RTL4: variants seen among roughly 807,000 people sequenced by gnomAD.
The protein encoded by RTL4 is retrotransposon Gag-like protein 4.
A neutral mutation model predicts 5.3 loss-of-function variants in RTL4; 4 were observed. That is an observed-to-expected ratio of 0.75 (90% confidence interval 0.37 to 1.72). RTL4 has a LOEUF of 1.72. Among genes scored for constraint, RTL4 ranks in the 40% most tolerant of loss-of-function variants. The pLI is 0.04. For synonymous variants in RTL4, 98 were observed against 87.3 expected (o/e 1.12, Z -0.68); for missense variants, 260 against 227.1 (o/e 1.14, Z -0.93).
At chrX:112,298,802 T>G in the RTL4 span, among the ~76,000 whole-genome samples, 1 of 112,614 alleles carries the variant, frequency 8.9e-6, no homozygotes, top group Non-Finnish European at 1.9e-5. Context: ...AGGTGAGCTT[T>G]CACCGGCACT....
the RTL4 span, among the ~76,000 whole-genome samples, chrX:112,182,839 C>A: frequency 9.0e-6 from 1 of 111,386 alleles, no homozygotes; most frequent in Admixed American, 9.5e-5. Context: ...TCCTGGAGAA[C>A]AGCAACCACA....
chrX:112,389,976 A>T, the RTL4 span, among the ~76,000 whole-genome samples: 2 of 100,933 alleles, frequency 2.0e-5, no homozygotes, highest in African/African-American at 3.6e-5. Context: ...TGCCTCAATG[A>T]TCTGTCTAAT....
At chrX:112,321,172 G>T in the RTL4 span, among the ~76,000 whole-genome samples, 1 of 111,520 alleles carries the variant, frequency 9.0e-6, no homozygotes, top group Middle Eastern at 4.6e-3. Flanking sequence ...AATTAAAATG[G>T]CTATTATACT....
the RTL4 span, among the ~76,000 whole-genome samples, chrX:112,278,431 C>A: frequency 2.7e-5 from 3 of 112,213 alleles, no homozygotes; most frequent in Non-Finnish European, 5.6e-5. Flanking sequence ...CCTAGAGATA[C>A]TGACATCTAA....
the RTL4 span, among the ~76,000 whole-genome samples, chrX:112,127,539 A>G: frequency 9.8e-5 from 11 of 111,942 alleles, no homozygotes; most frequent in Non-Finnish European, 1.7e-4. Flanking sequence ...TGCTGTCACC[A>G]CTGCTATTTA....
chrX:112,339,494 G>C, the RTL4 span, among the ~76,000 whole-genome samples: 1 of 112,029 alleles, frequency 8.9e-6, no homozygotes, highest in East Asian at 2.8e-4. Context: ...ATACAGAAAA[G>C]GTGGTTCATA....
chrX:112,332,718 T>C, the RTL4 span, among the ~76,000 whole-genome samples: 8 of 105,782 alleles, frequency 7.6e-5, no homozygotes, highest in African/African-American at 2.1e-4. Flanking sequence ...CATTAGGAGA[T>C]ATACCTAGTG....
the RTL4 span, among the ~76,000 whole-genome samples, chrX:112,172,665 C>T: frequency 1.8e-5 from 2 of 110,707 alleles, no homozygotes; most frequent in Non-Finnish European, 3.8e-5. Flanking sequence ...GGGTATAGAC[C>T]CCAAGAAATA....
the RTL4 span, among the ~76,000 whole-genome samples, chrX:112,087,310 G>C: frequency 9.2e-6 from 1 of 108,560 alleles, no homozygotes; most frequent in Admixed American, 9.9e-5. Context: ...CCCTCTCCCA[G>C]GAGTAGATTG....
chrX:112,383,964 CT>C, the RTL4 span, among the ~76,000 whole-genome samples: 7 of 111,795 alleles, frequency 6.3e-5, no homozygotes, highest in Non-Finnish European at 9.4e-5. Flanking sequence ...AATGTACCCC[CT>C]GAATCTAAAA....
chrX:112,403,838 C>A, the RTL4 span, among the ~76,000 whole-genome samples: 1 of 112,397 alleles, frequency 8.9e-6, no homozygotes, highest in Non-Finnish European at 1.9e-5. Context: ...TCAGCCCTGA[C>A]AAACACAGTG....
the RTL4 span, among the ~76,000 whole-genome samples, chrX:112,094,221 A>G: frequency 1.8e-5 from 2 of 111,843 alleles, no homozygotes; most frequent in Non-Finnish European, 3.8e-5. Flanking sequence ...TAATTAAGAA[A>G]TACAATCAAC....
At chrX:112,291,097 A>C in the RTL4 span, among the ~76,000 whole-genome samples, 1 of 111,282 alleles carries the variant, frequency 9.0e-6, no homozygotes, top group South Asian at 3.8e-4. Flanking sequence ...AGGCAGGACC[A>C]GCTCTGAGTA....
At chrX:112,262,308 A>C in the RTL4 span, among the ~76,000 whole-genome samples, 1 of 112,198 alleles carries the variant, frequency 8.9e-6, no homozygotes, top group African/African-American at 3.2e-5. Context: ...ACAAAGGGCT[A>C]ATATCCAGAA....
At chrX:112,332,027 A>C in the RTL4 span, among the ~76,000 whole-genome samples, 1 of 106,804 alleles carries the variant, frequency 9.4e-6, no homozygotes, top group East Asian at 3.0e-4. Flanking sequence ...GGGAAGGGGG[A>C]GGGATAGCAT....
At chrX:112,434,485 T>C in the RTL4 span, among the ~76,000 whole-genome samples, 1 of 112,055 alleles carries the variant, frequency 8.9e-6, no homozygotes, top group South Asian at 3.7e-4. Context: ...TCGAGGAATT[T>C]ATCCATTTCG....
the RTL4 span, among the ~76,000 whole-genome samples, chrX:112,157,596 T>C: frequency 8.9e-6 from 1 of 111,862 alleles, no homozygotes; most frequent in African/African-American, 3.3e-5. Context: ...TGCCATACAT[T>C]TGTCTTTGCA....
chrX:112,398,156 C>T, the RTL4 span, among the ~76,000 whole-genome samples: 1 of 110,657 alleles, frequency 9.0e-6, no homozygotes, highest in Non-Finnish European at 1.9e-5. Flanking sequence ...AGGAAATTTC[C>T]TTCTATTACT....
chrX:112,132,546 C>G, the RTL4 span, among the ~76,000 whole-genome samples: 3 of 111,747 alleles, frequency 2.7e-5, no homozygotes, highest in Non-Finnish European at 5.6e-5. Flanking sequence ...TTTTGCATGA[C>G]AAGTCTGGAG....
Sources: gnomAD v4.1 joint callset for allele counts (sites outside exome capture counted in the v4.1 genomes callset) on GRCh38, gnomAD v4.1.1 for gene constraint, MANE v1.5 for transcripts, NCBI Gene and HGNC (gene_info 2026-07-23, HGNC 2026-07-21) for gene names.